CFAP97D2: variants seen among roughly 807,000 people sequenced by gnomAD.
The protein encoded by CFAP97D2 is uncharacterized protein CFAP97D2.
intron 1 of CFAP97D2, among the ~76,000 whole-genome samples, chr13:114,195,444 T>C (rs1236889736): frequency 6.6e-6 from 1 of 152,142 alleles, no homozygotes; most frequent in Admixed American, 6.5e-5. Context: ...TGGCTATCCT[T>C]CTCCATGTGC....
At position 114,189,368 on chromosome 13, in the gene CFAP97D2, G is replaced by T. The variant is rs1173121561; in HGVS notation, c.91-7028G>T. Reference sequence around the variant, plus strand: ...TTAAACTTCCAAAACAGAACACTGGGCCCAGATGGGTTCATTGGCAAATTC... The same window carrying T: ...TTAAACTTCCAAAACAGAACACTGGTCCCAGATGGGTTCATTGGCAAATTC... On this transcript the variant is annotated intron_variant, in intron 1 of 4. Coordinates refer to ENST00000646158, the Ensembl canonical transcript of CFAP97D2. The surrounding 1 kb of genome is among the most constrained non-coding windows in gnomAD (Gnocchi z 4.5). Among the ~76,000 whole-genome samples, 10 of 152,098 alleles carry T rather than the reference G, an allele frequency of 6.6e-5. No homozygotes were observed. Among genetic ancestry groups the T allele is most frequent in the Non-Finnish European group, 1.5e-5 (1 of 68,030 alleles).
intron 1 of CFAP97D2, among the ~76,000 whole-genome samples, chr13:114,191,287 T>A (rs958557660): frequency 6.6e-6 from 1 of 152,150 alleles, no homozygotes; most frequent in Non-Finnish European, 1.5e-5. Flanking sequence ...TCATTAAAAT[T>A]AAAAGCTTCT....
chr13:114,196,600 T>A, intron 2 of CFAP97D2, 124 bp downstream of exon 2: 1 of 395,878 alleles, frequency 2.5e-6, no homozygotes. Context: ...AAATGCAGTC[T>A]AGGTGATTAA....
chr13:114,182,510 A>T (rs186150046), intron 1 of CFAP97D2, among the ~76,000 whole-genome samples: 2 of 150,162 alleles, frequency 1.3e-5, no homozygotes, highest in South Asian at 2.2e-4. Flanking sequence ...GCTGGGGTAC[A>T]GTCAGGTCTT....
chr13:114,184,497 A>C (rs924325798), intron 1 of CFAP97D2, among the ~76,000 whole-genome samples: 1 of 152,228 alleles, frequency 6.6e-6, no homozygotes, highest in African/African-American at 2.4e-5. Flanking sequence ...AGCCAGAGGA[A>C]CAAGACTCCA....
Position 114,185,215 on chromosome 13 carries a change from G to A in CFAP97D2, c.90+5795G>A, listed in dbSNP as rs1256714006. Among the ~76,000 whole-genome samples, 6 of 152,230 alleles carry A rather than the reference G, an allele frequency of 3.9e-5. No homozygotes were observed. The highest frequency in any genetic ancestry group is 8.8e-5 in the Non-Finnish European group (6 of 68,030). On this transcript the variant is annotated intron_variant, in intron 1 of 4. Coordinates refer to ENST00000646158, the Ensembl canonical transcript of CFAP97D2. The surrounding 1 kb of genome is among the most constrained non-coding windows in gnomAD (Gnocchi z 5.2). ...GTCACCGCTCTTGCCTGCTGATGCA[G>A]GGAGGGCACAGGAAAGAGGTGAACA...
At chr13:114,182,335 T>TGGG (rs1594512343) in intron 1 of CFAP97D2, among the ~76,000 whole-genome samples, 33 of 144,748 alleles carry the variant, frequency 2.3e-4, no homozygotes, top group South Asian at 2.2e-4. Context: ...GCCATAGGGC[T>TGGG]GTTTTTCTCC....
intron 1 of CFAP97D2, among the ~76,000 whole-genome samples, chr13:114,183,475 G>A (rs1434671272): frequency 1.3e-5 from 2 of 152,034 alleles, no homozygotes; most frequent in Non-Finnish European, 2.9e-5. Flanking sequence ...GCCAAAGATT[G>A]TCATTTATAA....
At chr13:114,193,113 T>C (rs2080875279) in intron 1 of CFAP97D2, among the ~76,000 whole-genome samples, 1 of 152,188 alleles carries the variant, frequency 6.6e-6, no homozygotes, top group East Asian at 1.9e-4. Flanking sequence ...TGTTAGTCAA[T>C]GCAATTAGAC....
chr13:114,217,801 A>G (rs562445142), intron 4 of CFAP97D2, among the ~76,000 whole-genome samples: 39 of 152,346 alleles, frequency 2.6e-4, no homozygotes, highest in Middle Eastern at 6.8e-3. Context: ...TAGATACAGA[A>G]AAGGCCTTTG....
intron 2 of CFAP97D2, among the ~76,000 whole-genome samples, chr13:114,199,219 C>G (rs111312478): frequency 5.2e-5 from 1 of 19,154 alleles, no homozygotes; most frequent in Non-Finnish European, 7.9e-5. Context: ...CCCGCCGAGG[C>G]GTGACGGCGC....
intron 3 of CFAP97D2, among the ~76,000 whole-genome samples, chr13:114,210,406 CT>C (rs933347391): frequency 7.9e-5 from 12 of 152,308 alleles, no homozygotes; most frequent in African/African-American, 2.9e-4. Context: ...TTTTGACCCA[CT>C]GTATTTGACC....
chr13:114,196,888 A>G (rs1435165464), intron 2 of CFAP97D2, among the ~76,000 whole-genome samples: 1 of 152,220 alleles, frequency 6.6e-6, no homozygotes, highest in Non-Finnish European at 1.5e-5. Context: ...TCGTCCAGAA[A>G]GGCAGGACAA....
intron 1 of CFAP97D2, among the ~76,000 whole-genome samples, chr13:114,183,213 C>T (rs761603306): frequency 7.9e-5 from 12 of 152,246 alleles, no homozygotes; most frequent in East Asian, 7.7e-4. Context: ...GTCACCCAGG[C>T]GGGAGTGCAG....
chr13:114,182,128 TA>T (rs2080835463), intron 1 of CFAP97D2, among the ~76,000 whole-genome samples: 1 of 147,950 alleles, frequency 6.8e-6, no homozygotes, highest in Non-Finnish European at 1.5e-5. Context: ...AAAAGGAAAG[TA>T]GTAGGAGAGC....
rs1442904881 is a variant in CFAP97D2, at chr13:114,185,367, G to C, written c.90+5947G>C. Among the ~76,000 whole-genome samples the C allele has an allele frequency of 1.3e-5, 2 of 152,220 alleles. No homozygotes were observed. On this transcript the variant is annotated intron_variant, in intron 1 of 4. Coordinates refer to ENST00000646158, the Ensembl canonical transcript of CFAP97D2. The surrounding 1 kb of genome is among the most constrained non-coding windows in gnomAD (Gnocchi z 5.2). ...TTGGGCACACAGGAGCAGGCAGAGA[G>C]GGGCCCAGTGGGGACCTGGAACCCC...
At position 114,187,630 on chromosome 13, in the gene CFAP97D2, A is replaced by T. The variant is rs2080856454; in HGVS notation, c.90+8210A>T. Among the ~76,000 whole-genome samples the T allele has an allele frequency of 6.6e-6, 1 of 152,222 alleles. No individual in the cohort carries two copies. The highest frequency in any genetic ancestry group is 1.9e-4 in the East Asian group (1 of 5,194). On this transcript the variant is annotated intron_variant, in intron 1 of 4. Transcript: ENST00000646158. This position sits in a 1 kb window ranked among gnomAD's most constrained non-coding sequence, Gnocchi z 4.2. ...CTTGAGATACTACAAGAAAAAATAGATGAATCCCCTTATCACAATTGGAGA... is the reference window on the plus strand; with the variant it reads ...CTTGAGATACTACAAGAAAAAATAGTTGAATCCCCTTATCACAATTGGAGA...
chr13:114,195,476 G>A (rs895717829), intron 1 of CFAP97D2, among the ~76,000 whole-genome samples: 10 of 152,124 alleles, frequency 6.6e-5, no homozygotes, highest in African/African-American at 2.4e-4. Flanking sequence ...TCCTCCACTG[G>A]GGAGTTTCCC....
chr13:114,196,746 A>G (rs1332953572), intron 2 of CFAP97D2, among the ~76,000 whole-genome samples: 1 of 152,220 alleles, frequency 6.6e-6, no homozygotes, highest in Non-Finnish European at 1.5e-5. Context: ...GCCAAGTTTA[A>G]GGATCTGCCC....
Sources: gnomAD v4.1 joint callset for allele counts (sites outside exome capture counted in the v4.1 genomes callset) on GRCh38, gnomAD v4.1.1 for gene constraint, Gnocchi (gnomAD v3.1) non-coding constraint, MANE v1.5 for transcripts, NCBI Gene and HGNC (gene_info 2026-07-23, HGNC 2026-07-21) for gene names.